Variants in LRCH3 observed in about 807,000 individuals in gnomAD.
LRCH3 encodes leucine rich repeats and calponin homology domain containing 3.
In LRCH3, 68 loss-of-function variants were observed where a neutral mutation model predicts 104.5. The observed-to-expected ratio is 0.65, with a 90% CI of 0.54 to 0.80. The LOEUF is 0.80. LRCH3 is among the 30% of genes least tolerant of loss of function. The pLI is 0.00. For synonymous variants in LRCH3, 344 were observed against 361.3 expected, an observed-to-expected ratio of 0.95 and a Z score of 0.54; for missense variants, 951 against 953.9, an observed-to-expected ratio of 1.00 and a Z score of 0.04.
rs896739491 is a variant in LRCH3 at position 197,887,371 on chromosome 3, C to T, written c.*3705C>T. ...GAGAGCCCCCCAGCAGAGCCCTTCCCATCACTGACAGTGTGTCGGCAGCTG... is the reference window on the plus strand; with the variant it reads ...GAGAGCCCCCCAGCAGAGCCCTTCCTATCACTGACAGTGTGTCGGCAGCTG... On this transcript the variant is annotated 3_prime_UTR_variant, in exon 21 of 21. Transcript: ENST00000425562. 1.9e-5 allele frequency: 3 copies of T among 154,548 alleles called. No homozygotes were observed. Among genetic ancestry groups the T allele is most frequent in the Non-Finnish European group, 4.3e-5 (3 of 69,344 alleles). 9.6% of individuals were successfully genotyped at this position (154,548 alleles called of 1,614,324 possible).
intron 1 of LRCH3, among the ~76,000 whole-genome samples, chr3:197,797,882 A>C (rs1294905942): frequency 7.4e-6 from 1 of 134,942 alleles, no homozygotes; most frequent in African/African-American, 3.0e-5. Flanking sequence ...AACAAAAAAA[A>C]CAAAAAAAAA....
intron 12 of LRCH3, chr3:197,850,970 T>G (rs1739512023): frequency 1.3e-6 from 1 of 783,138 alleles, no homozygotes; most frequent in Admixed American, 1.7e-5. Flanking sequence ...ACAGATTACC[T>G]CAGGCTGCTT....
At chr3:197,858,770 C>G in intron 14 of LRCH3, 64 bp from the exon 15 acceptor site, 1 of 1,313,974 alleles carries the variant, frequency 7.6e-7, no homozygotes, top group Non-Finnish European at 1.1e-6. Flanking sequence ...TCAGATCTGC[C>G]TGCCTGACAT....
At chr3:197,844,775 A>G (rs112465959) in intron 10 of LRCH3, among the ~76,000 whole-genome samples, 1,561 of 151,454 alleles carry the variant, frequency 0.01, 36 homozygotes, top group African/African-American at 0.036. Flanking sequence ...GCACCACCAC[A>G]CCTGGCCAGT....
At chr3:197,801,727 C>A (rs2109117593) in intron 1 of LRCH3, among the ~76,000 whole-genome samples, 1 of 152,232 alleles carries the variant, frequency 6.6e-6, no homozygotes, top group South Asian at 2.1e-4. Flanking sequence ...TTTTCTGTTG[C>A]TAAATAGCAA....
intron 19 of LRCH3, 29 bp downstream of exon 19, chr3:197,871,491 C>G (rs1442546592): frequency 6.2e-7 from 1 of 1,608,786 alleles, no homozygotes; most frequent in Non-Finnish European, 8.5e-7. Context: ...AAAGCCTTGG[C>G]TATTCATCAG....
chr3:197,827,567 A>G (rs1049860900), intron 5 of LRCH3, among the ~76,000 whole-genome samples: 4 of 152,258 alleles, frequency 2.6e-5, no homozygotes, highest in African/African-American at 9.6e-5. Flanking sequence ...GGATTCACAT[A>G]CATATGTATT....
At chr3:197,791,660 C>T (rs1730528772) in intron 1 of LRCH3, 120 bp downstream of exon 1, 3 of 1,195,300 alleles carry the variant, frequency 2.5e-6, no homozygotes, top group Non-Finnish European at 2.2e-6. Context: ...GGGTCCGGAC[C>T]CGGGTAACGG....
At chr3:197,822,358 G>A (rs1431475111) in intron 4 of LRCH3, among the ~76,000 whole-genome samples, 2 of 152,134 alleles carry the variant, frequency 1.3e-5, no homozygotes, top group East Asian at 1.9e-4. Context: ...CTCAGGACTC[G>A]CCTACTGTGG....
In LRCH3 at chr3:197,841,334, C is replaced by T. The variant is rs1381872051; in HGVS notation, c.1328+1937C>T. ...GGCCATTCTTGGTGTTTAGAGCCCACTCACATTCCTTCTTCATGGCTCCCT... is the reference window on the plus strand; with the variant it reads ...GGCCATTCTTGGTGTTTAGAGCCCATTCACATTCCTTCTTCATGGCTCCCT... On this transcript the variant is annotated intron_variant, in intron 10 of 20. Coordinates refer to ENST00000425562, the MANE Select transcript of LRCH3 (RefSeq NM_001365715.1). 2.0e-5 allele frequency among the ~76,000 whole-genome samples: 3 copies of T among 152,202 alleles called. No homozygotes were observed. The East Asian group carries it at 5.8e-4, about 29-fold the overall frequency.
intron 20 of LRCH3, among the ~76,000 whole-genome samples, chr3:197,878,470 G>A (rs1280883644): frequency 6.6e-6 from 1 of 152,156 alleles, no homozygotes; most frequent in African/African-American, 2.4e-5. Flanking sequence ...AAAAAATACA[G>A]TTTTAAAAGA....
rs771665363 is a variant in LRCH3, at chr3:197,820,424, C to T, written c.634C>T (p.Pro212Ser). The T allele has an allele frequency of 9.6e-6, 15 of 1,563,998 alleles. No homozygotes were observed. In the East Asian group the frequency reaches 2.9e-4, roughly 30 times the overall value. The change falls in exon 4 of 21, where the codon CCT (proline) becomes TCT (serine). Residue 212 changes from proline to serine, a missense_variant. Transcript: ENST00000425562. Reference protein sequence around the residue: ...NVRRNHLVHLPEELAELPLIR... With the variant: ...NVRRNHLVHLSEELAELPLIR... ...AAGAAGAAATCACCTAGTACATTTG[C>T]CTGAAGGTAAGAAACTATGAAATAA...
At chr3:197,850,334 T>C in intron 12 of LRCH3, 1 of 779,636 alleles carries the variant, frequency 1.3e-6, no homozygotes, top group Non-Finnish European at 2.1e-6. Flanking sequence ...CCCAACTCTC[T>C]TTAGGTACCA....
intron 7 of LRCH3, among the ~76,000 whole-genome samples, chr3:197,831,813 C>T (rs1735984589): frequency 6.6e-6 from 1 of 152,020 alleles, no homozygotes; most frequent in Admixed American, 6.6e-5. Flanking sequence ...TAGAGACATG[C>T]TCTCCCTATA....
intron 9 of LRCH3, 41 bp downstream of exon 9, chr3:197,835,863 C>A: frequency 6.3e-7 from 1 of 1,594,872 alleles, no homozygotes; most frequent in Admixed American, 1.7e-5. Context: ...GCTATCCCTT[C>A]ATAAAAATAA....
In LRCH3 at chr3:197,855,115, G is replaced by T. The variant is rs142540706; in HGVS notation, c.1644+670G>T. 2.2e-4 allele frequency among the ~76,000 whole-genome samples: 33 copies of T among 152,164 alleles called. No individual in the cohort carries two copies. The South Asian group carries it at 6.2e-3, about 29-fold the overall frequency. ...CATGTTTTATGTGATTGTTTTCATA[G>T]TAGTACGTTCAGAGGTCTAGTGCCT... On this transcript the variant is annotated intron_variant, in intron 14 of 20. Coordinates refer to ENST00000425562, the MANE Select transcript of LRCH3 (RefSeq NM_001365715.1).
intron 12 of LRCH3, chr3:197,850,820 C>T (rs995253677): frequency 8.8e-6 from 10 of 1,139,792 alleles, no homozygotes; most frequent in African/African-American, 4.5e-5. Context: ...TCAGATACTT[C>T]GTGGCTTTTC....
chr3:197,853,709 T>G lies in LRCH3; in HGVS notation c.1591-683T>G, dbSNP rs112357288. On this transcript the variant is annotated intron_variant, in intron 13 of 20. Transcript: ENST00000425562. The stretch of plus-strand genomic sequence containing the variant: ...TTCAATTGTCCATTAGAAAGGTTTT[T>G]AAAAAGTTTTATCAGACATAGAACT... 1.9e-3 allele frequency among the ~76,000 whole-genome samples: 283 copies of G among 152,366 alleles called. 3 individuals carry two copies. Among genetic ancestry groups the G allele is most frequent in the African/African-American group, 6.5e-3 (271 of 41,586 alleles).
At chr3:197,832,126 C>T (rs1236393175) in intron 7 of LRCH3, 71 bp from the exon 8 acceptor site, 49 of 1,502,230 alleles carry the variant, frequency 3.3e-5, no homozygotes, top group Middle Eastern at 1.9e-4. Flanking sequence ...TCTCCCAAAG[C>T]GCATGGATTA....
Sources: gnomAD v4.1 joint callset for allele counts (sites outside exome capture counted in the v4.1 genomes callset) on GRCh38, gnomAD v4.1.1 for gene constraint, MANE v1.5 for transcripts, NCBI Gene and HGNC (gene_info 2026-07-23, HGNC 2026-07-21) for gene names.